Variants in ROCK2 observed in about 807,000 individuals in gnomAD.
The protein encoded by ROCK2 is Rho associated coiled-coil containing protein kinase 2, also known as rho-associated protein kinase 2.
Under a neutral mutation model 195.1 loss-of-function variants are expected in ROCK2, and 61 were observed. That is an observed-to-expected ratio of 0.31 (90% CI 0.25 to 0.39). ROCK2 has a LOEUF of 0.39. ROCK2 is among the 10% of genes least tolerant of loss of function. ROCK2 has a pLI of 1.00. For synonymous variants in ROCK2, 504 were observed against 545.5 expected (o/e 0.92, Z 1.06); for missense variants, 1,109 against 1,637.4 (o/e 0.68, Z 5.57).
chr2:11,320,745 G>C (rs1229431768), intron 1 of ROCK2, among the ~76,000 whole-genome samples: 1 of 152,160 alleles, frequency 6.6e-6, no homozygotes, highest in East Asian at 1.9e-4. Context: ...CTCCCTGAGA[G>C]GAGAAAAACA....
At chr2:11,340,527 A>G (rs1572431153) in intron 1 of ROCK2, among the ~76,000 whole-genome samples, 1 of 152,266 alleles carries the variant, frequency 6.6e-6, no homozygotes, top group African/African-American at 2.4e-5. Context: ...CTAGTCACAA[A>G]TTTTACACTA....
intron 18 of ROCK2, among the ~76,000 whole-genome samples, chr2:11,209,850 C>T (rs1664187353): frequency 6.6e-6 from 1 of 152,120 alleles, no homozygotes; most frequent in Non-Finnish European, 1.5e-5. Flanking sequence ...AAAAATGAAA[C>T]ATTCCCCATG....
At chr2:11,273,628 ATAAAC>A (rs1358551216) in intron 3 of ROCK2, among the ~76,000 whole-genome samples, 4 of 152,314 alleles carry the variant, frequency 2.6e-5, no homozygotes, top group Admixed American at 6.5e-5. Context: ...ACTTAACACA[ATAAAC>A]TAACTAGATC....
rs140045692 is a variant in ROCK2 at position 11,251,186 on chromosome 2, T to A, written c.325-1388A>T. Reference sequence around the variant, plus strand: ...TCATCGTACTTATTACCATCTTACATCCCATTTTTAACTTATTTATCACCT... The same window carrying A: ...TCATCGTACTTATTACCATCTTACAACCCATTTTTAACTTATTTATCACCT... On this transcript the variant is annotated intron_variant, in intron 3 of 32. Transcript: ENST00000315872. 1.1e-4 allele frequency among the ~76,000 whole-genome samples: 17 copies of A among 152,326 alleles called. No homozygotes were observed. The East Asian group carries it at 3.3e-3, about 29-fold the overall frequency.
In ROCK2 at chr2:11,197,353, A is replaced by G; in HGVS notation, c.3280-5T>C. The G allele has an allele frequency of 6.2e-7, 1 of 1,609,206 alleles. No homozygotes were observed. The highest frequency in any genetic ancestry group is 8.5e-7 in the Non-Finnish European group (1 of 1,178,220). On this transcript the variant is annotated splice_region_variant and splice_polypyrimidine_tract_variant and intron_variant, in intron 26 of 32. Transcript: ENST00000315872. The surrounding 1 kb of genome is among the most constrained non-coding windows in gnomAD (Gnocchi z 4.9). ...CTGGCTCTCTTCAGCTATTTGCTAT[A>G]AGAAATTTAATTACAATAAGTTAAT... is the stretch of plus-strand genomic sequence containing the variant.
At position 11,197,331 on chromosome 2, in the gene ROCK2, G is replaced by A. The variant is rs1663679271; in HGVS notation, c.3297C>T (p.Ser1099=). ...NEMQAQIAEE[S]QIRIELQMTL... ...TCATCTGCAGTTCAATTCGAATCTG[G>A]CTCTCTTCAGCTATTTGCTATAAGA... Residue 1099 remains serine (S), a synonymous_variant, in exon 27 of 33, where the codon AGC becomes AGT. Coordinates refer to ENST00000315872, the MANE Select transcript of ROCK2 (RefSeq NM_004850.5). This position sits in a 1 kb window ranked among gnomAD's most constrained non-coding sequence, Gnocchi z 4.9. The A allele has an allele frequency of 6.2e-7, 1 of 1,612,334 alleles. No homozygotes were observed. The highest frequency in any genetic ancestry group is 1.3e-5 in the African/African-American group (1 of 74,828).
chr2:11,319,384 C>T (rs1668330622), intron 1 of ROCK2, among the ~76,000 whole-genome samples: 1 of 152,162 alleles, frequency 6.6e-6, no homozygotes, highest in South Asian at 2.1e-4. Flanking sequence ...TGGGAATTCA[C>T]TCATGATTTG....
chr2:11,236,756 T>C (rs1333415151), intron 4 of ROCK2, among the ~76,000 whole-genome samples: 1 of 152,052 alleles, frequency 6.6e-6, no homozygotes, highest in African/African-American at 2.4e-5. Context: ...GAATCAATAT[T>C]TGAGAAAAAC....
At chr2:11,269,469 C>T (rs531665152) in intron 3 of ROCK2, among the ~76,000 whole-genome samples, 2 of 149,914 alleles carry the variant, frequency 1.3e-5, no homozygotes, top group African/African-American at 4.9e-5. Flanking sequence ...CAAGACTGCA[C>T]GACTGCACTG....
chr2:11,324,226 A>G (rs976072466), intron 1 of ROCK2, among the ~76,000 whole-genome samples: 2 of 152,126 alleles, frequency 1.3e-5, no homozygotes, highest in African/African-American at 4.8e-5. Context: ...CACGAGGTCA[A>G]GAAATCAAGA....
At chr2:11,205,496 T>C (rs527252050) in intron 20 of ROCK2, among the ~76,000 whole-genome samples, 3 of 152,166 alleles carry the variant, frequency 2.0e-5, no homozygotes, top group Admixed American at 6.5e-5. Context: ...ATTCCTTTAC[T>C]AGAGTTTTTC....
At chr2:11,314,410 AAT>A (rs1029610175) in intron 1 of ROCK2, among the ~76,000 whole-genome samples, 1 of 144,918 alleles carries the variant, frequency 6.9e-6, no homozygotes, top group African/African-American at 2.5e-5. Context: ...AGGTATTTAA[AAT>A]AGTGTTTAGG....
rs572938015 is a variant in ROCK2 at position 11,253,848 on chromosome 2, T to C, written c.325-4050A>G. ...TATCCACATGTACAGCTAATACTTA[T>C]ATTGATGAAAATAAGGTAAACCAAA... On this transcript the variant is annotated intron_variant, in intron 3 of 32. Transcript: ENST00000315872. 5.9e-5 allele frequency among the ~76,000 whole-genome samples: 9 copies of C among 152,362 alleles called. No individual in the cohort carries two copies. The East Asian group carries it at 1.4e-3, about 23-fold the overall frequency.
intron 4 of ROCK2, among the ~76,000 whole-genome samples, chr2:11,238,204 GAA>G (rs1665283266): frequency 2.1e-5 from 3 of 142,038 alleles, no homozygotes; most frequent in Admixed American, 7.3e-5. Context: ...ACCAAATTGA[GAA>G]AGAGTGTGTG....
At chr2:11,209,338 A>G (rs1664170436) in intron 18 of ROCK2, among the ~76,000 whole-genome samples, 1 of 152,174 alleles carries the variant, frequency 6.6e-6, no homozygotes, top group Admixed American at 6.5e-5. Context: ...AACAGCACCT[A>G]GGGAGGTTGT....
intron 15 of ROCK2, 73 bp downstream of exon 15, chr2:11,215,248 C>T: frequency 7.1e-7 from 1 of 1,414,852 alleles, no homozygotes; most frequent in Non-Finnish European, 9.6e-7. Context: ...TTTTGCAACA[C>T]TGTCAATTAA....
rs1553317464 is a variant in ROCK2, at chr2:11,317,612, A to ATTTT, written c.141+26380_141+26383dup. 6.2e-4 allele frequency among the ~76,000 whole-genome samples: 12 copies of ATTTT among 19,310 alleles called. 2 individuals are homozygous for ATTTT. The highest frequency in any genetic ancestry group is 1.3e-3 in the African/African-American group (8 of 6,272). The allele number at this position is 19,310 out of a possible 152,430, so 12.7% of individuals were successfully genotyped here. ...TATATATATATATATATATATATAT[A>ATTTT]TTTTTTTTTTTTTTTAATTATACTT... On this transcript the variant is annotated intron_variant, in intron 1 of 32. Transcript: ENST00000315872.
At chr2:11,329,423 G>C (rs1222649329) in intron 1 of ROCK2, among the ~76,000 whole-genome samples, 2 of 145,944 alleles carry the variant, frequency 1.4e-5, no homozygotes, top group African/African-American at 5.1e-5. Context: ...CATCCAGAAA[G>C]ACAAAACTTC....
At chr2:11,220,582 A>G (rs1664603011) in intron 9 of ROCK2, among the ~76,000 whole-genome samples, 1 of 152,214 alleles carries the variant, frequency 6.6e-6, no homozygotes, top group Admixed American at 6.5e-5. Flanking sequence ...CGAGTCCTCC[A>G]AACTGTAATG....
Sources: gnomAD v4.1 joint callset for allele counts (sites outside exome capture counted in the v4.1 genomes callset) on GRCh38, gnomAD v4.1.1 for gene constraint, Gnocchi (gnomAD v3.1) non-coding constraint, MANE v1.5 for transcripts, NCBI Gene and HGNC (gene_info 2026-07-23, HGNC 2026-07-21) for gene names.